The following LRRC28 variants were observed in gnomAD, a reference collection of about 807,000 sequenced individuals.
The protein encoded by LRRC28 is leucine-rich repeat-containing protein 28.
Under a neutral mutation model 45.7 loss-of-function variants are expected in LRRC28, and 39 were observed. The observed-to-expected ratio is 0.85, with a 90% confidence interval of 0.66 to 1.12. LRRC28 has a LOEUF of 1.12. LRRC28 is among the 50% of genes most tolerant of loss of function. The pLI is 0.00. For missense variants in LRRC28, 435 were observed against 438.5 expected (o/e 0.99, Z 0.07); for synonymous variants, 206 against 178.8 (o/e 1.15, Z -1.22).
At chr15:99,337,501 A>G (rs1956363961) in intron 6 of LRRC28, among the ~76,000 whole-genome samples, 1 of 152,236 alleles carries the variant, frequency 6.6e-6, no homozygotes, top group Non-Finnish European at 1.5e-5. Flanking sequence ...GGTGTGGCTA[A>G]GGAGGTGGGC....
At chr15:99,314,803 C>T (rs116483182) in intron 5 of LRRC28, among the ~76,000 whole-genome samples, 3,166 of 152,144 alleles carry the variant, frequency 0.021, 117 homozygotes, top group African/African-American at 0.072. Flanking sequence ...GTCATTTTAG[C>T]GAATTATTCT....
intron 7 of LRRC28, among the ~76,000 whole-genome samples, chr15:99,358,793 A>G (rs1487946323): frequency 2.0e-5 from 3 of 152,164 alleles, no homozygotes; most frequent in Non-Finnish European, 4.4e-5. Flanking sequence ...ATCTACACGT[A>G]AAGGCCAGGT....
chr15:99,342,671 T>A (rs1277595359), intron 6 of LRRC28, among the ~76,000 whole-genome samples: 1 of 152,196 alleles, frequency 6.6e-6, no homozygotes, highest in African/African-American at 2.4e-5. Context: ...TTCCTTGTGA[T>A]CTTTTTGTTA....
At position 99,297,505 on chromosome 15, in the gene LRRC28, C is replaced by T. The variant is rs187647135; in HGVS notation, c.385+9554C>T. 6.7e-3 allele frequency among the ~76,000 whole-genome samples: 1,005 copies of T among 149,808 alleles called. 9 individuals are homozygous for T. The highest frequency in any genetic ancestry group is 0.01 in the Non-Finnish European group (698 of 67,686). Reference sequence around the variant, plus strand: ...TCTCAAACTCCTGGCCTCAAGTGATCCTCGTGCTTTGGCCTGCCTAAATGC... The same window carrying T: ...TCTCAAACTCCTGGCCTCAAGTGATTCTCGTGCTTTGGCCTGCCTAAATGC... On this transcript the variant is annotated intron_variant, in intron 5 of 9. Coordinates refer to ENST00000301981, the MANE Select transcript of LRRC28 (RefSeq NM_144598.5).
chr15:99,385,746 G>T (rs1372754), intron 9 of LRRC28, among the ~76,000 whole-genome samples: 17,177 of 127,090 alleles, frequency 0.14, 1,230 homozygotes, highest in East Asian at 0.24. Context: ...AAAGGCATTT[G>T]TTTTTTTTTT....
chr15:99,358,926 A>G (rs1957122611), intron 7 of LRRC28, among the ~76,000 whole-genome samples: 1 of 152,152 alleles, frequency 6.6e-6, no homozygotes, highest in East Asian at 1.9e-4. Context: ...ACAAATACAA[A>G]CTAACCGGAC....
intron 9 of LRRC28, among the ~76,000 whole-genome samples, chr15:99,380,235 T>C (rs1218362237): frequency 6.6e-6 from 1 of 152,230 alleles, no homozygotes; most frequent in East Asian, 1.9e-4. Context: ...TGTGGGTGCA[T>C]ATATATTTAG....
intron 2 of LRRC28, among the ~76,000 whole-genome samples, chr15:99,270,298 T>G (rs1455015576): frequency 2.6e-5 from 4 of 152,184 alleles, no homozygotes; most frequent in African/African-American, 4.8e-5. Flanking sequence ...AACATAAAAT[T>G]AATCCTATTG....
At chr15:99,271,684 C>T (rs2081483688) in intron 2 of LRRC28, among the ~76,000 whole-genome samples, 1 of 152,186 alleles carries the variant, frequency 6.6e-6, no homozygotes, top group Non-Finnish European at 1.5e-5. Context: ...GCAACCTCCC[C>T]CTCCTGGGTT....
At chr15:99,277,320 GA>G (rs1295942045) in intron 3 of LRRC28, among the ~76,000 whole-genome samples, 4 of 151,756 alleles carry the variant, frequency 2.6e-5, no homozygotes, top group Non-Finnish European at 5.9e-5. Flanking sequence ...CTTTCATTTT[GA>G]AAAAAATTTC....
Position 99,256,046 on chromosome 15 carries a change from T to G in LRRC28, c.89T>G (p.Phe30Cys). ...TTAAATTATAGGAATCTGCACCATT[T>G]TCCATTGGAGTTACTGAAAGATGAG... ...LFLNYRNLHH[F>C]PLELLKDEGL... Residue 30 changes from phenylalanine (F) to cysteine (C), a missense_variant, in exon 2 of 10, where the codon TTT becomes TGT. Physicochemically the swap from Phe to Cys is radical, Grantham distance 205. Coordinates refer to ENST00000301981, the MANE Select transcript of LRRC28 (RefSeq NM_144598.5). 4.3e-6 allele frequency: 7 copies of G among 1,613,964 alleles called. No individual in the cohort carries two copies. The highest frequency in any genetic ancestry group is 5.9e-6 in the Non-Finnish European group (7 of 1,179,950).
intron 5 of LRRC28, among the ~76,000 whole-genome samples, chr15:99,331,635 G>C (rs574683057): frequency 6.6e-6 from 1 of 152,138 alleles, no homozygotes; most frequent in South Asian, 2.1e-4. Context: ...ACAATAGCAA[G>C]TCCAGGCTCC....
intron 6 of LRRC28, among the ~76,000 whole-genome samples, chr15:99,345,972 GGTTAACGCCTCTCTTTTTATTT>G (rs1956667556): frequency 1.3e-5 from 2 of 152,140 alleles, no homozygotes; most frequent in African/African-American, 4.8e-5. Context: ...CTTACTTCTA[GGTTAACGCCTCTCTTTTTATTT>G]TTTTTTTAGC....
chr15:99,318,375 T>G (rs181740979), intron 5 of LRRC28, among the ~76,000 whole-genome samples: 12 of 152,194 alleles, frequency 7.9e-5, no homozygotes, highest in Admixed American at 3.9e-4. Flanking sequence ...AATTGTTGTG[T>G]TTCTTGTTCT....
chr15:99,318,319 G>C (rs908360808), intron 5 of LRRC28, among the ~76,000 whole-genome samples: 15 of 152,050 alleles, frequency 9.9e-5, no homozygotes, highest in Non-Finnish European at 1.8e-4. Flanking sequence ...ATAATTCTTA[G>C]CTAAAGTAAA....
intron 3 of LRRC28, among the ~76,000 whole-genome samples, chr15:99,281,983 G>A (rs1442571056): frequency 1.3e-5 from 2 of 151,790 alleles, no homozygotes; most frequent in Admixed American, 6.6e-5. Flanking sequence ...TTGAGATGGG[G>A]GTCCCATTAT....
chr15:99,252,004 T>G (rs772583634), intron 1 of LRRC28: 1 of 152,218 alleles, frequency 6.6e-6, no homozygotes, highest in Non-Finnish European at 1.5e-5. Context: ...AGGGACTCCT[T>G]CCTTTCAAAA....
intron 5 of LRRC28, among the ~76,000 whole-genome samples, chr15:99,289,955 A>AAAAAAAAAAAC (rs2082071866): frequency 7.0e-6 from 1 of 142,668 alleles, no homozygotes; most frequent in Admixed American, 7.2e-5. Flanking sequence ...AAAAAAAAAA[A>AAAAAAAAAAAC]AAAAAAAATG....
chr15:99,302,568 T>C (rs1429777993), intron 5 of LRRC28, among the ~76,000 whole-genome samples: 1 of 152,206 alleles, frequency 6.6e-6, no homozygotes, highest in Non-Finnish European at 1.5e-5. Context: ...TTAACAGCTT[T>C]ATTGAAGTGC....
Sources: allele counts gnomAD v4.1 joint callset (sites outside exome capture counted in the v4.1 genomes callset), GRCh38; gene constraint gnomAD v4.1.1; transcripts MANE v1.5; gene names NCBI Gene and HGNC (gene_info 2026-07-23, HGNC 2026-07-21).